The following NAALADL2 variants were observed in gnomAD, a reference collection of about 807,000 sequenced individuals.
NAALADL2 encodes N-acetylated alpha-linked acidic dipeptidase like 2, also known as inactive N-acetylated-alpha-linked acidic dipeptidase-like protein 2.
Under a neutral mutation model 87.2 loss-of-function variants are expected in NAALADL2, and 76 were observed. The ratio of observed to expected loss-of-function variants is 0.87; its 90% CI spans 0.72 to 1.05. The LOEUF (loss-of-function observed/expected upper bound fraction) is 1.05. Among genes scored for constraint, NAALADL2 ranks in the 50% least tolerant of loss-of-function variants. The pLI is 0.00. For synonymous variants in NAALADL2, 354 were observed against 331.0 expected, an observed-to-expected ratio of 1.07 and a Z score of -0.75; for missense variants, 1,089 against 945.8, an observed-to-expected ratio of 1.15 and a Z score of -1.99.
intron 5 of NAALADL2, among the ~76,000 whole-genome samples, chr3:175,373,184 T>TA (rs202127351): frequency 2.6e-5 from 4 of 151,818 alleles, no homozygotes. Context: ...AACTTAAATA[T>TA]AAAAAAAAGC....
At chr3:175,606,690 T>A (rs536101851) in intron 10 of NAALADL2, among the ~76,000 whole-genome samples, 20 of 152,260 alleles carry the variant, frequency 1.3e-4, no homozygotes, top group Non-Finnish European at 2.8e-4. Flanking sequence ...TAATTTATTC[T>A]AAATCCATAT....
chr3:174,705,264 C>T (rs1411872810), intron 2 of NAALADL2, among the ~76,000 whole-genome samples: 8 of 152,238 alleles, frequency 5.3e-5, no homozygotes, highest in South Asian at 4.1e-4. Flanking sequence ...AAAAAATCCA[C>T]GCAGACGTGG....
chr3:174,814,888 T>A, intron 3 of NAALADL2, among the ~76,000 whole-genome samples: 1 of 152,174 alleles, frequency 6.6e-6, no homozygotes, highest in East Asian at 1.9e-4. Flanking sequence ...AGTCTGTGGG[T>A]ACGTTATTTC....
At chr3:175,718,369 C>T (rs1741693746) in intron 11 of NAALADL2, 6 of 1,599,812 alleles carry the variant, frequency 3.8e-6, no homozygotes, top group South Asian at 3.3e-5. Context: ...CTCTTGGGTC[C>T]ACCACTCCAT....
chr3:175,645,460 TG>T (rs1729871990), intron 11 of NAALADL2, among the ~76,000 whole-genome samples: 1 of 152,036 alleles, frequency 6.6e-6, no homozygotes, highest in Non-Finnish European at 1.5e-5. Flanking sequence ...AGAGTAACAG[TG>T]GAATATGGCC....
intron 2 of NAALADL2, among the ~76,000 whole-genome samples, chr3:174,696,713 A>G (rs489707): frequency 0.43 from 64,711 of 151,300 alleles, 14,740 homozygotes; most frequent in East Asian, 0.73. Flanking sequence ...TTTTTGCTTT[A>G]ATTTCCTGAA....
chr3:175,482,605 C>T (rs1055684261), intron 9 of NAALADL2, among the ~76,000 whole-genome samples: 3 of 151,848 alleles, frequency 2.0e-5, no homozygotes, highest in Non-Finnish European at 2.9e-5. Flanking sequence ...ACACAGATTT[C>T]TAAAAAATAG....
intron 4 of NAALADL2, among the ~76,000 whole-genome samples, chr3:175,320,133 CCT>C (rs1759661014): frequency 6.6e-6 from 1 of 152,060 alleles, no homozygotes; most frequent in Non-Finnish European, 1.5e-5. Context: ...AATTACTTTT[CCT>C]CTCTCTTGAA....
At chr3:174,968,301 A>G (rs945812876) in intron 1 of NAALADL2, among the ~76,000 whole-genome samples, 6 of 152,166 alleles carry the variant, frequency 3.9e-5, no homozygotes, top group African/African-American at 7.2e-5. Flanking sequence ...AAGCCCTCCC[A>G]TGAACTTGGC....
chr3:174,641,240 C>T (rs763863085), intron 2 of NAALADL2, among the ~76,000 whole-genome samples: 2 of 152,144 alleles, frequency 1.3e-5, no homozygotes, highest in Non-Finnish European at 2.9e-5. Flanking sequence ...GGGGGAGGAC[C>T]GCGGGCCTCG....
chr3:174,728,092 T>G (rs1337243897), intron 2 of NAALADL2, among the ~76,000 whole-genome samples: 1 of 152,104 alleles, frequency 6.6e-6, no homozygotes, highest in Non-Finnish European at 1.5e-5. Flanking sequence ...ATTGTATGGA[T>G]GTACAACCGT....
chr3:175,263,964 C>T (rs1442057865), intron 4 of NAALADL2, among the ~76,000 whole-genome samples: 1 of 150,496 alleles, frequency 6.6e-6, no homozygotes, highest in Non-Finnish European at 1.5e-5. Flanking sequence ...TGTGGTAATA[C>T]TGACCTCTTC....
At chr3:174,624,506 C>T (rs1007421474) in intron 2 of NAALADL2, among the ~76,000 whole-genome samples, 8 of 151,940 alleles carry the variant, frequency 5.3e-5, no homozygotes, top group Admixed American at 3.9e-4. Flanking sequence ...CACCTGTAAT[C>T]CCAGCTACTT....
At chr3:175,243,066 C>CCATAACA (rs1485174856) in intron 3 of NAALADL2, among the ~76,000 whole-genome samples, 2 of 134,770 alleles carry the variant, frequency 1.5e-5, no homozygotes, top group Non-Finnish European at 3.1e-5. Context: ...TTAATCCTTT[C>CCATAACA]CATAACACAC....
intron 1 of NAALADL2, among the ~76,000 whole-genome samples, chr3:175,050,459 G>T (rs893343582): frequency 1.3e-5 from 2 of 152,090 alleles, no homozygotes; most frequent in African/African-American, 4.8e-5. Context: ...ACAGGGTTTT[G>T]CCATGTTTAA....
intron 1 of NAALADL2, among the ~76,000 whole-genome samples, chr3:175,022,473 C>T (rs1751685130): frequency 6.6e-6 from 1 of 151,894 alleles, no homozygotes; most frequent in South Asian, 2.1e-4. Flanking sequence ...ATATGTCATG[C>T]CATTAATGTC....
intron 11 of NAALADL2, among the ~76,000 whole-genome samples, chr3:175,661,516 T>C (rs573404650): frequency 2.6e-5 from 4 of 152,150 alleles, no homozygotes; most frequent in African/African-American, 9.6e-5. Context: ...CTTAATGTAA[T>C]CCCATTTGTT....
intron 2 of NAALADL2, among the ~76,000 whole-genome samples, chr3:174,709,925 A>C (rs528678496): frequency 6.6e-6 from 1 of 152,198 alleles, no homozygotes; most frequent in African/African-American, 2.4e-5. Flanking sequence ...ACTAACTTCA[A>C]TGTGTGTGTC....
intron 4 of NAALADL2, among the ~76,000 whole-genome samples, chr3:175,282,611 T>C (rs1754453133): frequency 2.6e-5 from 4 of 152,032 alleles, no homozygotes; most frequent in Non-Finnish European, 1.5e-5. Context: ...CACCAAACTC[T>C]ACTGGAAGGC....
Sources: allele counts gnomAD v4.1 joint callset (sites outside exome capture counted in the v4.1 genomes callset), GRCh38; gene constraint gnomAD v4.1.1; transcripts MANE v1.5; gene names NCBI Gene and HGNC (gene_info 2026-07-23, HGNC 2026-07-21).